TRIM9: variants seen among roughly 807,000 people sequenced by gnomAD.
TRIM9 encodes E3 ubiquitin-protein ligase TRIM9.
In TRIM9, 26 loss-of-function variants were observed where a neutral mutation model predicts 78.3. That is an observed-to-expected ratio of 0.33 (90% CI 0.24 to 0.46). The LOEUF (loss-of-function observed/expected upper bound fraction) is 0.46, where lower values mean the gene tolerates loss of function less well. Ranked by LOEUF, TRIM9 falls within the 20% of genes least tolerant of loss-of-function variation. The pLI is 1.00. For missense variants in TRIM9, 787 were observed against 1,036.4 expected (o/e 0.76, Z 3.30); for synonymous variants, 398 against 416.5 (o/e 0.96, Z 0.54).
chr14:50,998,556 TG>T (rs1255582794), intron 6 of TRIM9, among the ~76,000 whole-genome samples: 1 of 152,184 alleles, frequency 6.6e-6, no homozygotes, highest in African/African-American at 2.4e-5. Flanking sequence ...AACTTGGGAT[TG>T]GTACAGTATA....
intron 1 of TRIM9, among the ~76,000 whole-genome samples, chr14:51,065,953 C>T (rs978430457): frequency 7.3e-5 from 11 of 151,688 alleles, no homozygotes; most frequent in African/African-American, 2.4e-4. Flanking sequence ...TTTTCTGAGC[C>T]GTTAGTCCCA....
chr14:51,082,517 A>G (rs2140315185), intron 1 of TRIM9, among the ~76,000 whole-genome samples: 1 of 152,360 alleles, frequency 6.6e-6, no homozygotes, highest in Non-Finnish European at 1.5e-5. Flanking sequence ...CAGATGCAAA[A>G]GGCCACATAT....
At chr14:50,990,480 G>C (rs2053357859) in intron 7 of TRIM9, among the ~76,000 whole-genome samples, 1 of 152,172 alleles carries the variant, frequency 6.6e-6, no homozygotes, top group Non-Finnish European at 1.5e-5. Flanking sequence ...TTATTGATTG[G>C]TTTTTACACT....
intron 1 of TRIM9, among the ~76,000 whole-genome samples, chr14:51,058,043 T>C (rs1436612949): frequency 6.6e-6 from 1 of 152,210 alleles, no homozygotes; most frequent in Admixed American, 6.5e-5. Context: ...AATGCTTCTA[T>C]AAACAGATTA....
At chr14:50,993,409 C>T (rs559541224) in intron 7 of TRIM9, among the ~76,000 whole-genome samples, 2 of 150,706 alleles carry the variant, frequency 1.3e-5, no homozygotes, top group East Asian at 1.9e-4. Context: ...ACTTTTGTTG[C>T]CCAGGCTGGA....
At position 50,981,956 on chromosome 14, in the gene TRIM9, G is replaced by A. The variant is rs370508371; in HGVS notation, c.2006C>T (p.Thr669Met). ...FSKGIHYWELTVDRYDNHPDP... is the reference protein window; with the variant it reads ...FSKGIHYWELMVDRYDNHPDP... ...AGGGTGGTTGTCATAGCGATCTACC[G>A]TGAGCTCCCAGTAGTGGATGCCCTT... Residue 669 changes from threonine (T) to methionine (M), a missense_variant, in exon 11 of 13, where the codon ACG (threonine) becomes ATG (methionine). This residue lies in a region of TRIM9 where 421 missense variants were observed against 514.3 expected (regional missense o/e 0.82). Coordinates refer to ENST00000684578, the MANE Select transcript of TRIM9 (RefSeq NM_001387360.1). 49 of 1,614,034 alleles carry A rather than the reference G, an allele frequency of 3.0e-5. No individual in the cohort carries two copies. The highest frequency in any genetic ancestry group is 1.6e-4 in the Middle Eastern group (1 of 6,084).
At chr14:51,052,324 C>T (rs909502107) in intron 1 of TRIM9, among the ~76,000 whole-genome samples, 13 of 152,060 alleles carry the variant, frequency 8.5e-5, no homozygotes, top group South Asian at 2.1e-4. Context: ...GAGTCAAGGT[C>T]GGCGAATATA....
At chr14:51,074,887 G>A (rs1321155173) in intron 1 of TRIM9, among the ~76,000 whole-genome samples, 3 of 152,202 alleles carry the variant, frequency 2.0e-5, no homozygotes, top group South Asian at 2.1e-4. Context: ...GAAAGATGCC[G>A]CAACTACATG....
intron 1 of TRIM9, among the ~76,000 whole-genome samples, chr14:51,071,387 G>GAAAAAAAAAAAAAAA (rs56726763): frequency 2.6e-5 from 3 of 115,918 alleles, no homozygotes; most frequent in African/African-American, 6.3e-5. Flanking sequence ...AAAAAAAAAA[G>GAAAAAAAAAAAAAAA]AAAAAAAAAA....
intron 2 of TRIM9, among the ~76,000 whole-genome samples, chr14:51,025,015 C>G (rs2058087816): frequency 6.6e-6 from 1 of 152,188 alleles, no homozygotes; most frequent in South Asian, 2.1e-4. Context: ...AGAATTAGGA[C>G]CTCAGTGTGG....
chr14:51,042,272 G>C (rs2059631283), intron 1 of TRIM9, among the ~76,000 whole-genome samples: 1 of 152,116 alleles, frequency 6.6e-6, no homozygotes, highest in African/African-American at 2.4e-5. Flanking sequence ...GCCAAATCTG[G>C]TAAAGCCTGC....
At chr14:51,038,383 T>C (rs1237734225) in intron 1 of TRIM9, among the ~76,000 whole-genome samples, 1 of 152,244 alleles carries the variant, frequency 6.6e-6, no homozygotes. Context: ...TTTTTTGTAC[T>C]GTTTCATGGC....
chr14:51,072,770 T>C (rs1323819879), intron 1 of TRIM9, among the ~76,000 whole-genome samples: 1 of 152,142 alleles, frequency 6.6e-6, no homozygotes, highest in African/African-American at 2.4e-5. Flanking sequence ...AGAACCTCTC[T>C]CCCTAAATTG....
intron 7 of TRIM9, chr14:50,997,075 G>C: frequency 1.0e-6 from 1 of 985,382 alleles, no homozygotes; most frequent in South Asian, 4.7e-5. Context: ...GTTCTGCAGA[G>C]GGAAGTTATG....
chr14:51,040,545 T>C (rs1433301605), intron 1 of TRIM9, among the ~76,000 whole-genome samples: 1 of 152,218 alleles, frequency 6.6e-6, no homozygotes, highest in African/African-American at 2.4e-5. Flanking sequence ...GAGTGAGGGA[T>C]TGGACAACAT....
intron 1 of TRIM9, among the ~76,000 whole-genome samples, chr14:51,038,611 C>T (rs1250907583): frequency 6.6e-6 from 1 of 152,124 alleles, no homozygotes; most frequent in Admixed American, 6.6e-5. Flanking sequence ...ACAATGTGAA[C>T]ACATTTCAAG....
At chr14:51,066,971 C>T (rs1263911702) in intron 1 of TRIM9, among the ~76,000 whole-genome samples, 2 of 152,152 alleles carry the variant, frequency 1.3e-5, no homozygotes, top group Non-Finnish European at 2.9e-5. Context: ...TGTATGGAGG[C>T]GTCCTCAGGC....
At position 51,025,308 on chromosome 14, in the gene TRIM9, T is replaced by C; in HGVS notation, c.875A>G (p.Lys292Arg). The change falls in exon 2 of 13, where the codon AAG (lysine) becomes AGG (arginine). Residue 292 changes from lysine to arginine, a missense_variant. Transcript: ENST00000684578. ...NGLSDRAKEA[K>R]EFLVQLRNMV... ...GTTGCGCAGCTGTACCAGAAACTCC[T>C]TGGCTTCTTTGGCCCTGTCTGACAG... The C allele has an allele frequency of 6.2e-7, 1 of 1,614,214 alleles. No homozygotes were observed. Among genetic ancestry groups the C allele is most frequent in the Non-Finnish European group, 8.5e-7 (1 of 1,180,038 alleles).
At chr14:51,031,165 A>G (rs539722130) in intron 1 of TRIM9, among the ~76,000 whole-genome samples, 3 of 145,496 alleles carry the variant, frequency 2.1e-5, no homozygotes, top group Non-Finnish European at 4.6e-5. Flanking sequence ...AAAAAAAAAA[A>G]GAAAGAAAAG....
Sources: gnomAD v4.1 joint callset for allele counts (sites outside exome capture counted in the v4.1 genomes callset) on GRCh38, gnomAD v4.1.1 for gene constraint, gnomAD v4.1.1 regional missense constraint, MANE v1.5 for transcripts, NCBI Gene and HGNC (gene_info 2026-07-23, HGNC 2026-07-21) for gene names.